The following MYH14 variants were observed in gnomAD, a reference collection of about 807,000 sequenced individuals.
MYH14 encodes the protein myosin heavy chain 14.
Under a neutral mutation model 255.5 loss-of-function variants are expected in MYH14, and 123 were observed. The observed-to-expected ratio is 0.48, with a 90% CI of 0.42 to 0.56. The LOEUF is 0.56. Ranked by LOEUF, MYH14 falls within the 20% of genes least tolerant of loss-of-function variation. The pLI is 0.00. For synonymous variants in MYH14, 1,095 were observed against 1,161.2 expected, an observed-to-expected ratio of 0.94 and a Z score of 1.16; for missense variants, 2,423 against 2,802.3, an observed-to-expected ratio of 0.86 and a Z score of 3.06.
chr19:50,238,996 C>T (rs984125346), intron 10 of MYH14, among the ~76,000 whole-genome samples: 5 of 152,066 alleles, frequency 3.3e-5, no homozygotes, highest in African/African-American at 1.2e-4. Flanking sequence ...GCCAGTTGTC[C>T]CCCAACCTCC....
chr19:50,305,937 A>T (rs2036637294), intron 40 of MYH14, among the ~76,000 whole-genome samples: 1 of 151,852 alleles, frequency 6.6e-6, no homozygotes, highest in Non-Finnish European at 1.5e-5. Flanking sequence ...TTCTCAGAAG[A>T]ATAATAAAGT....
intron 29 of MYH14, among the ~76,000 whole-genome samples, chr19:50,277,422 A>G (rs187857812): frequency 5.8e-4 from 88 of 152,166 alleles, no homozygotes; most frequent in African/African-American, 1.6e-3. Flanking sequence ...CCTGGGCAAC[A>G]TGGTGAAACC....
In MYH14 at chr19:50,207,271, CAGAGAGAGAG is replaced by C. The variant is rs764396652; in HGVS notation, c.-3-3058_-3-3049del. 1.1e-3 allele frequency among the ~76,000 whole-genome samples: 85 copies of C among 76,832 alleles called. 1 individual carries two copies. The highest frequency in any genetic ancestry group is 8.9e-3 in the South Asian group (15 of 1,676). 50.4% of individuals were successfully genotyped at this position (76,832 alleles called of 152,430 possible). A position where few individuals can be genotyped will look rare whatever the true frequency, so the allele number is the denominator to read the frequency against. On this transcript the variant is annotated intron_variant, in intron 1 of 42. Coordinates refer to ENST00000642316, the MANE Select transcript of MYH14 (RefSeq NM_001145809.2). Reference sequence around the variant, plus strand: ...AGAGAGAGAGAAAGAGAGAGAGAGACAGAGAGAGAGAGAGAGAGAGAGAGAGAGAGAGAGA... The same window carrying C: ...AGAGAGAGAGAAAGAGAGAGAGAGACAGAGAGAGAGAGAGAGAGAGAGAGA...
At position 50,280,221 on chromosome 19, in the gene MYH14, C is replaced by T; in HGVS notation, c.4138-10C>T. 1 of 1,552,940 alleles carries T rather than the reference C, an allele frequency of 6.4e-7. No homozygotes were observed. The highest frequency in any genetic ancestry group is 8.7e-7 in the Non-Finnish European group (1 of 1,147,748). ...GCCACACCTGACATTGCCGTCTCCT[C>T]CATCTACAGGAGCTGCTGCAGGAGG... is the stretch of plus-strand genomic sequence containing the variant. On this transcript the variant is annotated splice_polypyrimidine_tract_variant and intron_variant, in intron 31 of 42. Transcript: ENST00000642316. The surrounding 1 kb of genome is among the most constrained non-coding windows in gnomAD (Gnocchi z 4.8).
intron 2 of MYH14, among the ~76,000 whole-genome samples, chr19:50,212,964 AT>A (rs1410938237): frequency 6.6e-6 from 1 of 151,992 alleles, no homozygotes; most frequent in African/African-American, 2.4e-5. Flanking sequence ...ATTTATATAT[AT>A]TTTTTGAGAC....
chr19:50,250,704 G>A lies in MYH14; in HGVS notation c.1830+16G>A, dbSNP rs368382382. ...CGCGGGCAAGGTAGGGGCTGGGGCC[G>A]GCCTTGGGGCATGTGGGAGTGGGGA... On this transcript the variant is annotated intron_variant, in intron 15 of 42. Transcript: ENST00000642316. The surrounding 1 kb of genome is among the most constrained non-coding windows in gnomAD (Gnocchi z 5.4). 1.4e-4 allele frequency: 221 copies of A among 1,600,476 alleles called. No homozygotes were observed. The highest frequency in any genetic ancestry group is 1.8e-4 in the Non-Finnish European group (209 of 1,170,072).
intron 10 of MYH14, among the ~76,000 whole-genome samples, chr19:50,238,403 A>G (rs584515): frequency 0.96 from 146,362 of 152,334 alleles, 70,353 homozygotes; most frequent in African/African-American, 0.98. Flanking sequence ...GGCCAGATGC[A>G]CTGTGGGTCT....
At chr19:50,218,490 C>T (rs949017116) in intron 3 of MYH14, among the ~76,000 whole-genome samples, 1 of 151,380 alleles carries the variant, frequency 6.6e-6, no homozygotes, top group Non-Finnish European at 1.5e-5. Flanking sequence ...CCCAGCTACT[C>T]GGGAGGCTGA....
chr19:50,272,757 G>T, intron 27 of MYH14, 26 bp downstream of exon 27: 1 of 1,548,106 alleles, frequency 6.5e-7, no homozygotes, highest in South Asian at 1.2e-5. Context: ...GGCTTGGTGG[G>T]GTAAGCAGCA....
At chr19:50,247,832 G>A (rs1449810608) in intron 12 of MYH14, among the ~76,000 whole-genome samples, 1 of 152,042 alleles carries the variant, frequency 6.6e-6, no homozygotes, top group Non-Finnish European at 1.5e-5. Flanking sequence ...TTGGGAGGCT[G>A]AGGCGGACAG....
At chr19:50,215,110 G>C (rs371528971) in intron 2 of MYH14, among the ~76,000 whole-genome samples, 2 of 152,162 alleles carry the variant, frequency 1.3e-5, no homozygotes, top group African/African-American at 4.8e-5. Flanking sequence ...CCCACCCTGT[G>C]GGGGTGCACC....
rs778739770 is a variant in MYH14, at chr19:50,273,290, CAAAAAAAAAAAAA to C, written c.3467+573_3467+585del. 3.1e-3 allele frequency among the ~76,000 whole-genome samples: 240 copies of C among 78,630 alleles called. 4 individuals are homozygous for C. The South Asian group carries it at 0.035, about 11-fold the overall frequency. The allele number at this position is 78,630 out of a possible 152,430, so 51.6% of individuals were successfully genotyped here. ...TGGGCAACAGAGCAAGACTATGTCT[CAAAAAAAAAAAAA>C]AAAAAAAAAAAAAGAGCTATTTCTT... On this transcript the variant is annotated intron_variant, in intron 27 of 42. Coordinates refer to ENST00000642316, the MANE Select transcript of MYH14 (RefSeq NM_001145809.2).
chr19:50,240,428 T>A (rs2033846189), intron 10 of MYH14, among the ~76,000 whole-genome samples: 2 of 151,910 alleles, frequency 1.3e-5, no homozygotes, highest in Admixed American at 6.6e-5. Flanking sequence ...AACATTTTTT[T>A]AAATTAGCTG....
intron 19 of MYH14, 97 bp from the exon 20 acceptor site, chr19:50,260,549 C>A: frequency 1.3e-6 from 1 of 766,740 alleles, no homozygotes; most frequent in Non-Finnish European, 2.3e-6. Context: ...GTTGTTCCTG[C>A]TGTGTGTCAC....
chr19:50,214,570 G>A (rs564072538), intron 2 of MYH14, among the ~76,000 whole-genome samples: 2 of 152,280 alleles, frequency 1.3e-5, no homozygotes, highest in African/African-American at 2.4e-5. Flanking sequence ...TAGGTGATGG[G>A]TTAAAAGCCG....
At chr19:50,258,862 C>A (rs532515137) in intron 18 of MYH14, 6 of 343,248 alleles carry the variant, frequency 1.7e-5, no homozygotes, top group Non-Finnish European at 3.1e-5. Flanking sequence ...CCACCCACAT[C>A]CCTCCCTGCG....
intron 9 of MYH14, chr19:50,231,064 C>T (rs1040922947): frequency 5.2e-6 from 1 of 192,930 alleles, no homozygotes; most frequent in Non-Finnish European, 1.1e-5. Context: ...TAGGCCACGG[C>T]TCTTGCCGGA....
rs777656148 is a variant in MYH14, at chr19:50,247,140, T to C, written c.1329+18T>C. ...AGGAACAGGTAGGCGGGGCTGGCGGTGGGCAGGCACAGAAAGAGCCGCGCA... is the reference window on the plus strand; with the variant it reads ...AGGAACAGGTAGGCGGGGCTGGCGGCGGGCAGGCACAGAAAGAGCCGCGCA... On this transcript the variant is annotated intron_variant, in intron 12 of 42. Transcript: ENST00000642316. The C allele has an allele frequency of 1.3e-6, 2 of 1,577,788 alleles. No individual in the cohort carries two copies.
intron 41 of MYH14, 147 bp from the exon 42 acceptor site, chr19:50,308,858 A>G: frequency 1.3e-6 from 1 of 789,538 alleles, no homozygotes; most frequent in Non-Finnish European, 2.0e-6. Context: ...GGGATTTAGG[A>G]GAAAAGAACA....
Sources: allele counts gnomAD v4.1 joint callset (sites outside exome capture counted in the v4.1 genomes callset), GRCh38; gene constraint gnomAD v4.1.1; non-coding constraint Gnocchi (gnomAD v3.1); transcripts MANE v1.5; gene names NCBI Gene and HGNC (gene_info 2026-07-23, HGNC 2026-07-21).